The following INSL6 variants were observed in gnomAD, a reference collection of about 807,000 sequenced individuals.
INSL6 encodes insulin like 6.
INSL6 carries 16 observed loss-of-function variants against 9.4 expected under a neutral mutation model. The observed-to-expected ratio is 1.70, with a 90% confidence interval of 1.15 to 2.59. The LOEUF is 2.59. INSL6 is among the 30% of genes most tolerant of loss of function. The pLI, the probability that INSL6 is intolerant of heterozygous loss-of-function variation, is 0.00. For synonymous variants in INSL6, 154 were observed against 96.9 expected, an observed-to-expected ratio of 1.59 and a Z score of -3.46; for missense variants, 391 against 257.3, an observed-to-expected ratio of 1.52 and a Z score of -3.56.
chr9:5,178,985 T>C (rs1825381633), intron 1 of INSL6, among the ~76,000 whole-genome samples: 2 of 148,812 alleles, frequency 1.3e-5, no homozygotes, highest in African/African-American at 2.5e-5. Flanking sequence ...CAAAAGCAAT[T>C]GCAACAAAAT....
At chr9:5,033,650 T>C in the INSL6 span, among the ~76,000 whole-genome samples, 1 of 152,118 alleles carries the variant, frequency 6.6e-6, no homozygotes, top group African/African-American at 2.4e-5. Flanking sequence ...AAGCTTCATA[T>C]GTGAAGGAGA....
chr9:5,149,325 T>C (rs1481168501), intron 2 of INSL6, among the ~76,000 whole-genome samples: 2 of 152,222 alleles, frequency 1.3e-5, no homozygotes, highest in African/African-American at 2.4e-5. Flanking sequence ...GTTTTCTTTC[T>C]GAAGATCTGT....
chr9:5,142,864 G>A (rs1323983890), intron 2 of INSL6, among the ~76,000 whole-genome samples: 2 of 152,056 alleles, frequency 1.3e-5, no homozygotes, highest in Admixed American at 6.6e-5. Flanking sequence ...TTATTTTGAG[G>A]TATATTCCTT....
the INSL6 span, chr9:5,111,848 A>G: frequency 7.5e-6 from 3 of 400,938 alleles, no homozygotes; most frequent in Non-Finnish European, 1.5e-5. Flanking sequence ...GGCGGGGCCG[A>G]CAACCTCCTG....
At chr9:5,063,048 G>A in the INSL6 span, among the ~76,000 whole-genome samples, 1 of 151,802 alleles carries the variant, frequency 6.6e-6, no homozygotes, top group South Asian at 2.1e-4. Context: ...TTGGCTATTT[G>A]TGTTAGCTAA....
chr9:5,044,423 A>C, the INSL6 span: 1 of 1,610,994 alleles, frequency 6.2e-7, no homozygotes, highest in Non-Finnish European at 8.5e-7. Context: ...CCTCGTTGGT[A>C]TTGCAGTGGC....
At chr9:5,114,214 C>A in the INSL6 span, 1 of 510,548 alleles carries the variant, frequency 2.0e-6, no homozygotes, top group East Asian at 4.7e-5. Context: ...CGGTCCAGCC[C>A]CTTCTACCTG....
At chr9:5,098,096 AG>A in the INSL6 span, 2 of 152,210 alleles carry the variant, frequency 1.3e-5, no homozygotes, top group Non-Finnish European at 2.9e-5. Flanking sequence ...TGTTTCGAAA[AG>A]AAAAACTATA....
chr9:5,015,534 TTTTC>T, the INSL6 span, among the ~76,000 whole-genome samples: 5 of 67,952 alleles, frequency 7.4e-5, no homozygotes, highest in East Asian at 1.6e-3. Flanking sequence ...TTTCTTTTTC[TTTTC>T]TTTTTTTTTT....
At chr9:5,051,533 C>G in the INSL6 span, among the ~76,000 whole-genome samples, 94 of 152,170 alleles carry the variant, frequency 6.2e-4, 1 homozygote, top group African/African-American at 2.2e-3. Context: ...TACAGATGCT[C>G]TAGGGTATTC....
chr9:5,071,362 T>C, the INSL6 span, among the ~76,000 whole-genome samples: 1 of 152,126 alleles, frequency 6.6e-6, no homozygotes, highest in Non-Finnish European at 1.5e-5. Flanking sequence ...CTCCAGGAAC[T>C]TCCTATCACA....
At chr9:5,098,331 A>G in the INSL6 span, 32 of 152,344 alleles carry the variant, frequency 2.1e-4, no homozygotes, top group African/African-American at 7.2e-4. Context: ...GCTAAATCCT[A>G]TATGTCTTAA....
intron 1 of INSL6, among the ~76,000 whole-genome samples, chr9:5,176,085 T>C (rs921656918): frequency 1.3e-5 from 2 of 152,132 alleles, no homozygotes; most frequent in Admixed American, 1.3e-4. Flanking sequence ...TTACCTCTCC[T>C]ACCTTATCTT....
chr9:5,093,958 G>A, the INSL6 span, among the ~76,000 whole-genome samples: 2 of 152,018 alleles, frequency 1.3e-5, no homozygotes, highest in African/African-American at 4.8e-5. Flanking sequence ...TTCATAAAGT[G>A]CCCTCCCCCC....
chr9:5,015,759 T>C, the INSL6 span, among the ~76,000 whole-genome samples: 7 of 152,356 alleles, frequency 4.6e-5, no homozygotes, highest in South Asian at 4.1e-4. Context: ...TTCTAAATGA[T>C]TGAATTCATT....
chr9:5,076,492 T>C, the INSL6 span, among the ~76,000 whole-genome samples: 2 of 152,186 alleles, frequency 1.3e-5, no homozygotes, highest in Non-Finnish European at 2.9e-5. Context: ...AGCACCTTTT[T>C]TGGCAATAAA....
At chr9:5,002,963 G>A in the INSL6 span, among the ~76,000 whole-genome samples, 1 of 151,938 alleles carries the variant, frequency 6.6e-6, no homozygotes, top group Non-Finnish European at 1.5e-5. Flanking sequence ...TGAATAACCA[G>A]TTGACTAAGC....
chr9:5,085,273 G>A, the INSL6 span: 1 of 695,500 alleles, frequency 1.4e-6, no homozygotes, highest in African/African-American at 1.8e-5. Context: ...ATCAGCTGAT[G>A]TTGGTTTGCC....
chr9:5,180,762 T>C (rs1407624409), intron 1 of INSL6, among the ~76,000 whole-genome samples: 1 of 152,194 alleles, frequency 6.6e-6, no homozygotes, highest in African/African-American at 2.4e-5. Flanking sequence ...TATCAGTAGT[T>C]CTGCTTTTGC....
Sources: gnomAD v4.1 joint callset for allele counts (sites outside exome capture counted in the v4.1 genomes callset) on GRCh38, gnomAD v4.1.1 for gene constraint, MANE v1.5 for transcripts, NCBI Gene and HGNC (gene_info 2026-07-23, HGNC 2026-07-21) for gene names.